Variants in ALAS1 observed in about 807,000 individuals in gnomAD.
ALAS1 encodes the protein 5'-aminolevulinate synthase 1.
In ALAS1, 29 loss-of-function variants were observed where a neutral mutation model predicts 59.6. The observed-to-expected ratio is 0.49, with a 90% CI of 0.36 to 0.66. The LOEUF (loss-of-function observed/expected upper bound fraction) is 0.66, where lower values mean the gene tolerates loss of function less well. Ranked by LOEUF, ALAS1 falls within the 30% of genes least tolerant of loss-of-function variation. The pLI is 0.00. For synonymous variants in ALAS1, 299 were observed against 296.6 expected, an observed-to-expected ratio of 1.01 and a Z score of -0.08; for missense variants, 690 against 807.5, an observed-to-expected ratio of 0.85 and a Z score of 1.76.
In ALAS1 at chr3:52,199,419, G is replaced by C. The variant is rs1699140551; in HGVS notation, c.178G>C (p.Glu60Gln). Residue 60 changes from glutamate to glutamine, a missense_variant, in exon 3 of 12, where the codon GAA becomes CAA. Transcript: ENST00000484952. ...TAAVHYQQIKETPPASEKDKT... is the reference protein window; with the variant it reads ...TAAVHYQQIKQTPPASEKDKT... The stretch of plus-strand genomic sequence containing the variant: ...AGCAGTACACTACCAACAGATCAAA[G>C]AAACCCCTCCGGCCAGTGAGAGTAA... 1 of 1,614,068 alleles carries C rather than the reference G, an allele frequency of 6.2e-7. No homozygotes were observed. Among genetic ancestry groups the C allele is most frequent in the South Asian group, 1.1e-5 (1 of 91,080 alleles).
chr3:52,200,226 G>A (rs1699160374), intron 3 of ALAS1, among the ~76,000 whole-genome samples: 2 of 152,066 alleles, frequency 1.3e-5, no homozygotes, highest in Non-Finnish European at 2.9e-5. Flanking sequence ...GTGCAGTTCA[G>A]TGGTACATTC....
intron 2 of ALAS1, 130 bp from the exon 3 acceptor site, chr3:52,199,080 G>T: frequency 9.6e-7 from 1 of 1,044,684 alleles, no homozygotes; most frequent in Non-Finnish European, 1.4e-6. Flanking sequence ...CTGTCCTTAG[G>T]CATTTTTGAG....
chr3:52,201,760 A>G (rs1428279001), intron 3 of ALAS1, among the ~76,000 whole-genome samples: 1 of 152,208 alleles, frequency 6.6e-6, no homozygotes, highest in African/African-American at 2.4e-5. Context: ...TGTTTCAAAA[A>G]AAAAGGAAAG....
chr3:52,210,825 T>C (rs889580853), intron 9 of ALAS1, among the ~76,000 whole-genome samples: 3 of 152,132 alleles, frequency 2.0e-5, no homozygotes, highest in Non-Finnish European at 4.4e-5. Flanking sequence ...CATGCATTGC[T>C]TAACGATGGG....
chr3:52,209,428 C>T (rs991370138), intron 9 of ALAS1, among the ~76,000 whole-genome samples: 2 of 152,076 alleles, frequency 1.3e-5, no homozygotes, highest in African/African-American at 4.8e-5. Flanking sequence ...AGAATGTTCT[C>T]AATCTCCTGA....
intron 8 of ALAS1, among the ~76,000 whole-genome samples, chr3:52,207,428 G>T (rs960865177): frequency 6.6e-6 from 1 of 151,956 alleles, no homozygotes; most frequent in Non-Finnish European, 1.5e-5. Context: ...GAGCCACCGC[G>T]CCTGGCCTGT....
chr3:52,203,749 C>T, intron 4 of ALAS1, 114 bp from the exon 5 acceptor site: 1 of 1,223,266 alleles, frequency 8.2e-7, no homozygotes, highest in Non-Finnish European at 1.1e-6. Flanking sequence ...TTTGGTTATG[C>T]TTGGCCTTTT....
chr3:52,207,191 G>C (rs1334322452), intron 8 of ALAS1, among the ~76,000 whole-genome samples: 1 of 152,074 alleles, frequency 6.6e-6, no homozygotes, highest in Non-Finnish European at 1.5e-5. Context: ...TTTTAGTAGA[G>C]ACAGGGTTTC....
intron 4 of ALAS1, among the ~76,000 whole-genome samples, chr3:52,203,490 G>A (rs544193234): frequency 2.0e-5 from 3 of 151,760 alleles, no homozygotes; most frequent in African/African-American, 4.8e-5. Context: ...GCAATGAGTC[G>A]AGATCGTGCC....
At chr3:52,203,829 T>C in intron 4 of ALAS1, 34 bp from the exon 5 acceptor site, 2 of 1,549,542 alleles carry the variant, frequency 1.3e-6, no homozygotes, top group East Asian at 2.3e-5. Flanking sequence ...AATAGAAAGT[T>C]GGTCCCATTT....
chr3:52,209,778 C>T (rs369829873), intron 9 of ALAS1, among the ~76,000 whole-genome samples: 2 of 152,176 alleles, frequency 1.3e-5, no homozygotes, highest in East Asian at 3.8e-4. Context: ...CTCCTGGGCT[C>T]AAGTGATCCT....
chr3:52,205,734 A>C (rs1699278360), intron 6 of ALAS1, 105 bp from the exon 7 acceptor site: 1 of 1,096,834 alleles, frequency 9.1e-7, no homozygotes, highest in Non-Finnish European at 1.3e-6. Context: ...GAGAGTTGCT[A>C]CATCAACATG....
chr3:52,199,291 C>G lies in ALAS1; in HGVS notation c.50C>G (p.Ala17Gly). The G allele has an allele frequency of 6.2e-7, 1 of 1,614,202 alleles. No homozygotes were observed. The highest frequency in any genetic ancestry group is 8.5e-7 in the Non-Finnish European group (1 of 1,180,034). The part of the protein sequence containing the change: ...RCPFLSRVPQ[A>G]FLQKAGKSLL... ...CCATTCTTATCCCGAGTCCCCCAGG[C>G]CTTTCTGCAGAAAGCAGGCAAATCT... The change falls in exon 3 of 12, where the codon GCC (alanine) becomes GGC (glycine). Residue 17 changes from alanine to glycine, a missense_variant. By Grantham distance (60) the Ala-to-Gly change is moderately conservative. Coordinates refer to ENST00000484952, the MANE Select transcript of ALAS1 (RefSeq NM_000688.6).
At chr3:52,204,552 C>A in intron 5 of ALAS1, 141 bp from the exon 6 acceptor site, 1 of 687,438 alleles carries the variant, frequency 1.5e-6, no homozygotes, top group Non-Finnish European at 2.5e-6. Context: ...GACATACAGT[C>A]TTATTTACTT....
At chr3:52,209,996 A>G (rs1320388585) in intron 9 of ALAS1, among the ~76,000 whole-genome samples, 1 of 152,156 alleles carries the variant, frequency 6.6e-6, no homozygotes, top group East Asian at 1.9e-4. Flanking sequence ...GGAGTTTTTA[A>G]TCCTGAAACT....
rs1470165786 is a variant in ALAS1 at position 52,208,211 on chromosome 3, G to A, written c.1294G>A (p.Val432Ile). ...CGGAGGGATTGGGGATCGGGATGGA[G>A]TCATGCCAAAAATGGACATCATTTC... is the stretch of plus-strand genomic sequence containing the variant. ...RGGGIGDRDG[V>I]MPKMDIISGT... The change falls in exon 9 of 12, where the codon GTC becomes ATC. Residue 432 changes from valine to isoleucine, a missense_variant. Coordinates refer to ENST00000484952, the MANE Select transcript of ALAS1 (RefSeq NM_000688.6). 1 of 1,614,172 alleles carries A rather than the reference G, an allele frequency of 6.2e-7. No homozygotes were observed. The highest frequency in any genetic ancestry group is 8.5e-7 in the Non-Finnish European group (1 of 1,180,020).
chr3:52,200,627 T>C (rs1186772090), intron 3 of ALAS1, among the ~76,000 whole-genome samples: 1 of 152,110 alleles, frequency 6.6e-6, no homozygotes, highest in African/African-American at 2.4e-5. Flanking sequence ...TCCCAGCTAT[T>C]TGGGAGGCTG....
chr3:52,202,788 T>C, intron 4 of ALAS1, 54 bp downstream of exon 4: 2 of 1,542,116 alleles, frequency 1.3e-6, no homozygotes, highest in East Asian at 4.6e-5. Context: ...TTTTAGTTCT[T>C]TTGGGCCCTC....
chr3:52,207,473 A>AT (rs928126258), intron 8 of ALAS1, among the ~76,000 whole-genome samples: 2 of 146,682 alleles, frequency 1.4e-5, no homozygotes, highest in African/African-American at 2.5e-5. Flanking sequence ...TTCTGCCAGG[A>AT]TTTTTTTTTT....
Sources: allele counts gnomAD v4.1 joint callset (sites outside exome capture counted in the v4.1 genomes callset), GRCh38; gene constraint gnomAD v4.1.1; transcripts MANE v1.5; gene names NCBI Gene and HGNC (gene_info 2026-07-23, HGNC 2026-07-21).